MTBP: variants seen among roughly 807,000 people sequenced by gnomAD.
The protein encoded by MTBP is mdm2-binding protein.
In MTBP, 101 loss-of-function variants were observed where a neutral mutation model predicts 117.0. The observed-to-expected ratio is 0.86, with a 90% CI of 0.73 to 1.02. The LOEUF is 1.02. Among genes scored for constraint, MTBP ranks in the 50% least tolerant of loss-of-function variants. MTBP has a pLI of 0.00. For missense variants in MTBP, 970 were observed against 1,030.9 expected (o/e 0.94, Z 0.81); for synonymous variants, 350 against 351.5 (o/e 1.00, Z 0.05).
chr8:120,457,705 A>G (rs1277047550), intron 7 of MTBP, among the ~76,000 whole-genome samples: 1 of 152,144 alleles, frequency 6.6e-6, no homozygotes, highest in Non-Finnish European at 1.5e-5. Context: ...CGGGCAGATC[A>G]CGAGGTCAGG....
At chr8:120,448,003 T>A (rs935838191) in intron 2 of MTBP, among the ~76,000 whole-genome samples, 3 of 152,086 alleles carry the variant, frequency 2.0e-5, no homozygotes, top group Non-Finnish European at 4.4e-5. Context: ...CATGCTTCAC[T>A]GCAGCCTCAA....
chr8:120,512,563 A>G (rs1187199734), intron 17 of MTBP, among the ~76,000 whole-genome samples: 2 of 152,144 alleles, frequency 1.3e-5, no homozygotes, highest in Non-Finnish European at 2.9e-5. Context: ...TTATTTGAGT[A>G]CTGTGTCCTG....
At chr8:120,479,579 G>A (rs1407300670) in intron 11 of MTBP, among the ~76,000 whole-genome samples, 3 of 152,034 alleles carry the variant, frequency 2.0e-5, no homozygotes, top group African/African-American at 4.8e-5. Flanking sequence ...GGACAGACCC[G>A]TATACATGCT....
intron 15 of MTBP, among the ~76,000 whole-genome samples, chr8:120,504,059 A>G (rs1477457052): frequency 2.0e-5 from 3 of 152,160 alleles, no homozygotes; most frequent in Non-Finnish European, 4.4e-5. Context: ...AACTCACTCA[A>G]TTTGGAGTTA....
At position 120,523,453 on chromosome 8, in the gene MTBP, A is replaced by G; in HGVS notation, c.*117A>G. The G allele has an allele frequency of 1.9e-6, 1 of 540,060 alleles. No homozygotes were observed. The highest frequency in any genetic ancestry group is 3.2e-6 in the Non-Finnish European group (1 of 314,558). 33.5% of individuals were successfully genotyped at this position (540,060 alleles called of 1,614,324 possible). On this transcript the variant is annotated 3_prime_UTR_variant, in exon 22 of 22. Coordinates refer to ENST00000305949, the MANE Select transcript of MTBP (RefSeq NM_022045.5). ...AAGCTTTATTCAAAGAATAGATGTT[A>G]TATTTCTAAAGAATTTCATGAATAT...
chr8:120,506,626 TGC>T, intron 15 of MTBP, 78 bp from the exon 16 acceptor site: 1 of 1,054,788 alleles, frequency 9.5e-7, no homozygotes, highest in Non-Finnish European at 1.3e-6. Flanking sequence ...TTCCCGACTG[TGC>T]TTTTTTTTTT....
chr8:120,496,161 G>A (rs1469196224), intron 13 of MTBP, among the ~76,000 whole-genome samples: 6 of 152,158 alleles, frequency 3.9e-5, no homozygotes, highest in Non-Finnish European at 8.8e-5. Flanking sequence ...CCCTGCAGCA[G>A]AAGTCTGCAG....
In MTBP at chr8:120,494,907, A is replaced by G. The variant is rs544292356; in HGVS notation, c.1448-2486A>G. 7.3e-4 allele frequency among the ~76,000 whole-genome samples: 111 copies of G among 152,200 alleles called. 1 individual carries two copies. Among genetic ancestry groups the G allele is most frequent in the African/African-American group, 2.6e-3 (106 of 41,538 alleles). ...TGCTGCACTCCTATCATTAACATTC[A>G]TTGTGTATTCAAATACATCAGTTCC... On this transcript the variant is annotated intron_variant, in intron 13 of 21. Coordinates refer to ENST00000305949, the MANE Select transcript of MTBP (RefSeq NM_022045.5).
intron 12 of MTBP, 117 bp from the exon 13 acceptor site, chr8:120,490,346 G>A: frequency 1.6e-6 from 1 of 641,442 alleles, no homozygotes; most frequent in South Asian, 1.8e-5. Flanking sequence ...AGAGAGGTGA[G>A]TGATTGACTT....
intron 10 of MTBP, among the ~76,000 whole-genome samples, chr8:120,466,211 CT>C (rs33994178): frequency 0.081 from 10,399 of 127,936 alleles, 553 homozygotes; most frequent in East Asian, 0.21. Context: ...GTTTTTTACT[CT>C]TTTTTTTTTT....
At chr8:120,490,694 A>C in intron 13 of MTBP, 124 bp downstream of exon 13, 2 of 594,900 alleles carry the variant, frequency 3.4e-6, no homozygotes, top group South Asian at 2.3e-5. Flanking sequence ...TTAATTATAG[A>C]ACTATTTTTG....
intron 17 of MTBP, 79 bp from the exon 18 acceptor site, chr8:120,515,846 C>A: frequency 7.8e-7 from 1 of 1,280,438 alleles, no homozygotes; most frequent in Non-Finnish European, 1.1e-6. Context: ...AGTAAATGTC[C>A]TGCTATTTTC....
chr8:120,518,968 A>G, intron 20 of MTBP, 151 bp downstream of exon 20: 1 of 550,660 alleles, frequency 1.8e-6, no homozygotes, highest in Non-Finnish European at 3.2e-6. Flanking sequence ...TGAAGCCAAA[A>G]TACTTTATAT....
intron 13 of MTBP, among the ~76,000 whole-genome samples, chr8:120,494,877 A>G (rs1172343400): frequency 6.6e-6 from 1 of 152,096 alleles, no homozygotes; most frequent in Non-Finnish European, 1.5e-5. Flanking sequence ...AGGCTCCAAC[A>G]TTTCTGCTGC....
At chr8:120,479,139 T>C (rs1814014349) in intron 11 of MTBP, among the ~76,000 whole-genome samples, 2 of 152,174 alleles carry the variant, frequency 1.3e-5, no homozygotes, top group African/African-American at 4.8e-5. Context: ...CAGTAGGCAC[T>C]GGGGACTCCA....
chr8:120,472,768 A>G (rs1813847695), intron 11 of MTBP: 1 of 152,216 alleles, frequency 6.6e-6, no homozygotes, highest in South Asian at 2.1e-4. Flanking sequence ...TCCGTTATTT[A>G]GAGCTAGTTA....
At chr8:120,455,347 C>G in intron 5 of MTBP, 88 bp from the exon 6 acceptor site, 1 of 645,498 alleles carries the variant, frequency 1.5e-6, no homozygotes, top group Non-Finnish European at 2.4e-6. Flanking sequence ...TCTAAATAAA[C>G]ATAAAATTCA....
chr8:120,497,601 C>CTT (rs1428682388), intron 14 of MTBP, 47 bp downstream of exon 14: 12 of 1,112,042 alleles, frequency 1.1e-5, no homozygotes, highest in Non-Finnish European at 1.5e-5. Flanking sequence ...TGTGTGGCAA[C>CTT]TATGACATTT....
chr8:120,463,016 A>G (rs898015599), intron 9 of MTBP, among the ~76,000 whole-genome samples: 1 of 152,120 alleles, frequency 6.6e-6, no homozygotes, highest in Non-Finnish European at 1.5e-5. Flanking sequence ...TATGTTAAGA[A>G]AAGTTCTACA....
Sources: gnomAD v4.1 joint callset for allele counts (sites outside exome capture counted in the v4.1 genomes callset) on GRCh38, gnomAD v4.1.1 for gene constraint, MANE v1.5 for transcripts, NCBI Gene and HGNC (gene_info 2026-07-23, HGNC 2026-07-21) for gene names.